NCOA3: variants seen among roughly 807,000 people sequenced by gnomAD.
NCOA3 encodes CBP-interacting protein.
In NCOA3, 51 loss-of-function variants were observed where a neutral mutation model predicts 158.8. The observed-to-expected ratio is 0.32, with a 90% CI of 0.26 to 0.41. NCOA3 has a LOEUF of 0.41. Among genes scored for constraint, NCOA3 ranks in the 10% least tolerant of loss-of-function variants. The pLI is 1.00. For missense variants in NCOA3, 1,510 were observed against 1,746.6 expected (o/e 0.86, Z 2.41); for synonymous variants, 537 against 592.4 (o/e 0.91, Z 1.36).
intron 18 of NCOA3, among the ~76,000 whole-genome samples, chr20:47,648,004 T>C (rs1400815587): frequency 6.6e-6 from 1 of 150,378 alleles, no homozygotes; most frequent in Admixed American, 6.7e-5. Context: ...AACCTCCACC[T>C]TCTGGGTTCA....
At chr20:47,551,222 T>A (rs1394081133) in intron 1 of NCOA3, among the ~76,000 whole-genome samples, 1 of 152,192 alleles carries the variant, frequency 6.6e-6, no homozygotes, top group African/African-American at 2.4e-5. Context: ...AGTGACTACT[T>A]CGTAACTAAA....
intron 1 of NCOA3, among the ~76,000 whole-genome samples, chr20:47,565,970 A>G (rs1200491288): frequency 1.3e-5 from 2 of 152,172 alleles, no homozygotes; most frequent in Non-Finnish European, 2.9e-5. Flanking sequence ...CTCTCCCACC[A>G]TTTAAAAATT....
intron 16 of NCOA3, among the ~76,000 whole-genome samples, chr20:47,641,490 C>CTTCTTT (rs2086608629): frequency 2.1e-5 from 1 of 48,342 alleles, no homozygotes; most frequent in African/African-American, 1.2e-4. Context: ...TGGCTCCCTT[C>CTTCTTT]TTTTTTTTTT....
chr20:47,508,830 CT>C (rs1331775294), intron 1 of NCOA3, among the ~76,000 whole-genome samples: 1 of 152,162 alleles, frequency 6.6e-6, no homozygotes, highest in Non-Finnish European at 1.5e-5. Context: ...GAAAAGAAGA[CT>C]TACCTAGGGC....
At chr20:47,504,524 C>T (rs1357236292) in intron 1 of NCOA3, among the ~76,000 whole-genome samples, 1 of 139,020 alleles carries the variant, frequency 7.2e-6, no homozygotes, top group Non-Finnish European at 1.5e-5. Flanking sequence ...GTTCTTTCTG[C>T]CGGGCTGCAG....
chr20:47,560,998 G>T (rs1443851179), intron 1 of NCOA3, among the ~76,000 whole-genome samples: 4 of 140,476 alleles, frequency 2.8e-5, no homozygotes, highest in Non-Finnish European at 6.1e-5. Flanking sequence ...TTGAGATAGG[G>T]TCTCTGTCAC....
intron 18 of NCOA3, among the ~76,000 whole-genome samples, chr20:47,648,312 T>A (rs952190580): frequency 6.6e-6 from 1 of 152,198 alleles, no homozygotes; most frequent in African/African-American, 2.4e-5. Flanking sequence ...CATTTTACTT[T>A]CTGCCGTTTC....
At chr20:47,619,886 T>C (rs2086206466) in intron 2 of NCOA3, among the ~76,000 whole-genome samples, 1 of 150,462 alleles carries the variant, frequency 6.6e-6, no homozygotes, top group Non-Finnish European at 1.5e-5. Flanking sequence ...ACCTCCGCCT[T>C]CCGGGTTCAT....
intron 2 of NCOA3, among the ~76,000 whole-genome samples, chr20:47,594,853 G>A (rs1212329978): frequency 3.1e-5 from 4 of 129,782 alleles, no homozygotes; most frequent in Non-Finnish European, 6.2e-5. Flanking sequence ...GCGCAGTACC[G>A]CGATCTCAGC....
chr20:47,609,490 T>G (rs1372847462), intron 2 of NCOA3, among the ~76,000 whole-genome samples: 2 of 152,138 alleles, frequency 1.3e-5, no homozygotes, highest in Non-Finnish European at 2.9e-5. Context: ...AAAAAGTTCT[T>G]TAAAGTTATG....
At chr20:47,591,532 A>G (rs1441387498) in intron 2 of NCOA3, among the ~76,000 whole-genome samples, 1 of 152,182 alleles carries the variant, frequency 6.6e-6, no homozygotes, top group African/African-American at 2.4e-5. Flanking sequence ...ATAGATGTGC[A>G]TTTTCATCTG....
intron 2 of NCOA3, among the ~76,000 whole-genome samples, chr20:47,595,611 A>C (rs1223564433): frequency 2.6e-5 from 4 of 152,114 alleles, no homozygotes; most frequent in Admixed American, 2.6e-4. Flanking sequence ...AATAGCTGTA[A>C]GTGATGTGGC....
intron 1 of NCOA3, among the ~76,000 whole-genome samples, chr20:47,562,832 A>G (rs1347518859): frequency 6.6e-6 from 1 of 152,192 alleles, no homozygotes; most frequent in African/African-American, 2.4e-5. Context: ...TATTCTCCAT[A>G]TATCTCTGTA....
rs1271193301 is a variant in NCOA3 at position 47,653,687 on chromosome 20, T to C, written c.*270T>C. Reference sequence around the variant, plus strand: ...GGCATTCCACCTCCTAGGGATATAATTCTGGAGACATGGAGTGTTACTGAT... The same window carrying C: ...GGCATTCCACCTCCTAGGGATATAACTCTGGAGACATGGAGTGTTACTGAT... On this transcript the variant is annotated 3_prime_UTR_variant, in exon 23 of 23. Transcript: ENST00000371998. The C allele has an allele frequency of 4.2e-6, 2 of 471,106 alleles. No homozygotes were observed. Among genetic ancestry groups the C allele is most frequent in the Non-Finnish European group, 7.5e-6 (2 of 267,340 alleles). The allele number at this position is 471,106 out of a possible 1,614,324, so 29.2% of individuals were successfully genotyped here. A position where few individuals can be genotyped will look rare whatever the true frequency, so the allele number is the denominator to read the frequency against.
intron 1 of NCOA3, among the ~76,000 whole-genome samples, chr20:47,575,742 A>G (rs1261731654): frequency 1.3e-5 from 2 of 152,214 alleles, no homozygotes; most frequent in African/African-American, 4.8e-5. Flanking sequence ...TAAGTCAATG[A>G]GTCTGTTAAA....
chr20:47,576,850 T>G lies in NCOA3; in HGVS notation c.-98-6333T>G, dbSNP rs545922619. Among the ~76,000 whole-genome samples, 69 of 151,788 alleles carry G rather than the reference T, an allele frequency of 4.5e-4. 2 individuals carry two copies. The South Asian group carries it at 0.014, about 31-fold the overall frequency. Reference sequence around the variant, plus strand: ...CTTTGCTCACTTCCCCACCCAACTCTCCCACCCTCTTTCCTGTATTTATTT... The same window carrying G: ...CTTTGCTCACTTCCCCACCCAACTCGCCCACCCTCTTTCCTGTATTTATTT... On this transcript the variant is annotated intron_variant, in intron 1 of 22. Coordinates refer to ENST00000371998, the MANE Select transcript of NCOA3 (RefSeq NM_181659.3).
At chr20:47,650,736 G>C (rs1008370856) in intron 19 of NCOA3, among the ~76,000 whole-genome samples, 21 of 151,976 alleles carry the variant, frequency 1.4e-4, no homozygotes, top group African/African-American at 4.8e-4. Flanking sequence ...GGTGGTGCAC[G>C]CCTGTAATCC....
rs948610410 is a variant in NCOA3 at position 47,649,206 on chromosome 20, G to A, written c.3651+97G>A. 2.3e-5 allele frequency: 14 copies of A among 617,238 alleles called. No individual in the cohort carries two copies. The Middle Eastern group carries it at 1.3e-3, about 59-fold the overall frequency. The allele number at this position is 617,238 out of a possible 1,614,324, so 38.2% of individuals were successfully genotyped here. On this transcript the variant is annotated intron_variant, in intron 19 of 22. Coordinates refer to ENST00000371998, the MANE Select transcript of NCOA3 (RefSeq NM_181659.3). The stretch of plus-strand genomic sequence containing the variant: ...AGTAAATGTTTGTTAAACAAATGAA[G>A]GTAATTCTGAATTTCTTGTGTAAGA...
At chr20:47,640,948 A>G (rs2086594931) in intron 16 of NCOA3, among the ~76,000 whole-genome samples, 1 of 152,166 alleles carries the variant, frequency 6.6e-6, no homozygotes, top group Non-Finnish European at 1.5e-5. Flanking sequence ...ATTTACTTGC[A>G]TGCAAGAGGC....
Sources: allele counts gnomAD v4.1 joint callset (sites outside exome capture counted in the v4.1 genomes callset), GRCh38; gene constraint gnomAD v4.1.1; transcripts MANE v1.5; gene names NCBI Gene and HGNC (gene_info 2026-07-23, HGNC 2026-07-21).